Variants in RAD21L1 observed in about 807,000 individuals in gnomAD.
RAD21L1 encodes the protein RAD21 cohesin complex component like 1.
Under a neutral mutation model 69.0 loss-of-function variants are expected in RAD21L1, and 47 were observed. That is an observed-to-expected ratio of 0.68 (90% CI 0.54 to 0.87). The LOEUF (loss-of-function observed/expected upper bound fraction) is 0.87. RAD21L1 is among the 40% of genes least tolerant of loss of function. The pLI, the probability that RAD21L1 is intolerant of heterozygous loss-of-function variation, is 0.00. For missense variants in RAD21L1, 583 were observed against 647.6 expected, an observed-to-expected ratio of 0.90 and a Z score of 1.08; for synonymous variants, 177 against 205.8, an observed-to-expected ratio of 0.86 and a Z score of 1.20.
chr20:1,250,131 T>TTC, intron 13 of RAD21L1, among the ~76,000 whole-genome samples: 1 of 151,960 alleles, frequency 6.6e-6, no homozygotes, highest in Admixed American at 6.6e-5. Context: ...TTGCCATAGG[T>TTC]TGCTGAGAAT....
intron 11 of RAD21L1, among the ~76,000 whole-genome samples, chr20:1,245,054 A>C (rs1358583739): frequency 6.6e-6 from 1 of 152,212 alleles, no homozygotes; most frequent in East Asian, 1.9e-4. Flanking sequence ...AAACCTGTTT[A>C]GTTTATGATT....
chr20:1,231,749 ATT>A, intron 4 of RAD21L1, 130 bp downstream of exon 4: 1 of 585,720 alleles, frequency 1.7e-6, no homozygotes, highest in Non-Finnish European at 3.0e-6. Context: ...AAAGACTTAT[ATT>A]TGGTATAAAC....
chr20:1,239,535 CTGA>C, intron 7 of RAD21L1, 128 bp downstream of exon 7: 1 of 598,634 alleles, frequency 1.7e-6, no homozygotes, highest in Non-Finnish European at 2.9e-6. Flanking sequence ...CTCTGTTAGT[CTGA>C]CTGTAGACAA....
intron 3 of RAD21L1, 135 bp downstream of exon 3, chr20:1,230,144 T>G (rs1468808752): frequency 3.2e-6 from 2 of 626,182 alleles, no homozygotes; most frequent in African/African-American, 3.6e-5. Flanking sequence ...TTTCCATGGT[T>G]GAGGATAAAT....
intron 11 of RAD21L1, among the ~76,000 whole-genome samples, chr20:1,244,971 G>T (rs1193064074): frequency 6.6e-6 from 1 of 152,130 alleles, no homozygotes; most frequent in Non-Finnish European, 1.5e-5. Context: ...ACACTGGGTT[G>T]CTAGTACTAC....
At chr20:1,226,690 GGCTT>G (rs2087270155) in intron 1 of RAD21L1, among the ~76,000 whole-genome samples, 1 of 152,104 alleles carries the variant, frequency 6.6e-6, no homozygotes, top group African/African-American at 2.4e-5. Context: ...CCATCCCGGT[GGCTT>G]CACGTTGCAC....
Position 1,255,646 on chromosome 20 carries a change from A to G in RAD21L1, c.*1189A>G, listed in dbSNP as rs769319608. 1.3e-5 allele frequency among the ~76,000 whole-genome samples: 2 copies of G among 152,236 alleles called. No individual in the cohort carries two copies. Among genetic ancestry groups the G allele is most frequent in the Non-Finnish European group, 1.5e-5 (1 of 68,030 alleles). ...GGTGCACAGTTCTGTGAATTTTAAC[A>G]TATTTGTAGAGTCCTGTAACCATCT... On this transcript the variant is annotated 3_prime_UTR_variant, in exon 14 of 14. Coordinates refer to ENST00000683101, the MANE Select transcript of RAD21L1 (RefSeq NM_001384355.1).
rs906269088 is a variant in RAD21L1, at chr20:1,239,402, T to G, written c.737T>G (p.Leu246Ter). 4 of 1,535,138 alleles carry G rather than the reference T, an allele frequency of 2.6e-6. No individual in the cohort carries two copies. In the African/African-American group the frequency reaches 5.5e-5, roughly 21 times the overall value. The change falls in exon 7 of 14, where the codon TTA (leucine) becomes TGA (stop). Residue 246 changes from leucine to a stop codon, truncating the protein, a stop_gained. Transcript: ENST00000683101. LOFTEE classifies it high-confidence loss of function. ...CTGCCTTCTGAGCCTCCCAATAGTT[T>G]AGCAGGTAGGTTGAAATTTTCCTTT... is the stretch of plus-strand genomic sequence containing the variant. ...ISLPSEPPNS[L>*]AVEPDNSECI...
chr20:1,239,367 A>G lies in RAD21L1; in HGVS notation c.702A>G (p.Arg234=). 1 of 1,550,728 alleles carries G rather than the reference A, an allele frequency of 6.4e-7. No homozygotes were observed. Among genetic ancestry groups the G allele is most frequent in the Non-Finnish European group, 8.7e-7 (1 of 1,146,072 alleles). ...NILLEDMHLN[R]EISLPSEPPN... is the part of the protein sequence containing the mutation. ...TGTTAGAAGACATGCATTTGAACAG[A>G]GAAATTTCCCTGCCTTCTGAGCCTC... The change falls in exon 7 of 14, where the codon AGA becomes AGG. Residue 234 remains arginine (R), a synonymous_variant. Coordinates refer to ENST00000683101, the MANE Select transcript of RAD21L1 (RefSeq NM_001384355.1).
Position 1,254,668 on chromosome 20 carries a change from T to G in RAD21L1, c.*211T>G, listed in dbSNP as rs1357974949. ...TACTTTAAATTCTGTTTTGTTTTTT[T>G]TTGTTGTTTTTTTAAGGACAAAGGT... On this transcript the variant is annotated 3_prime_UTR_variant, in exon 14 of 14. Coordinates refer to ENST00000683101, the MANE Select transcript of RAD21L1 (RefSeq NM_001384355.1). Among the ~76,000 whole-genome samples, 9 of 151,816 alleles carry G rather than the reference T, an allele frequency of 5.9e-5. No individual in the cohort carries two copies. Among genetic ancestry groups the G allele is most frequent in the South Asian group, 2.1e-4 (1 of 4,814 alleles).
intron 5 of RAD21L1, among the ~76,000 whole-genome samples, chr20:1,237,685 G>T (rs1157712776): frequency 1.3e-5 from 2 of 151,888 alleles, no homozygotes; most frequent in Non-Finnish European, 2.9e-5. Flanking sequence ...ACAAGCAATT[G>T]TCCTTGAAAT....
At chr20:1,238,502 A>G (rs888640909) in intron 6 of RAD21L1, among the ~76,000 whole-genome samples, 7 of 152,070 alleles carry the variant, frequency 4.6e-5, no homozygotes, top group Non-Finnish European at 7.4e-5. Flanking sequence ...TGAGGTTAGT[A>G]TATTCCTTAT....
Position 1,246,996 on chromosome 20 carries a change from G to C in RAD21L1, c.1401+691G>C, listed in dbSNP as rs139925763. 7.9e-5 allele frequency among the ~76,000 whole-genome samples: 12 copies of C among 152,226 alleles called. No individual in the cohort carries two copies. Among genetic ancestry groups the C allele is most frequent in the African/African-American group, 2.9e-4 (12 of 41,542 alleles). ...GCTTCTATAAAATTATCTATATATT[G>C]AGTTCCAAGACTCTTTGATTGTTTT... On this transcript the variant is annotated intron_variant, in intron 12 of 13. Transcript: ENST00000683101. This position sits in a 1 kb window ranked among gnomAD's most constrained non-coding sequence, Gnocchi z 4.6.
intron 1 of RAD21L1, among the ~76,000 whole-genome samples, chr20:1,227,718 C>T (rs1600212526): frequency 6.6e-6 from 1 of 152,162 alleles, no homozygotes; most frequent in South Asian, 2.1e-4. Flanking sequence ...TTAATTCCTT[C>T]TCTTTGTTTT....
intron 10 of RAD21L1, 91 bp from the exon 11 acceptor site, chr20:1,243,955 C>A: frequency 8.9e-7 from 1 of 1,125,150 alleles, no homozygotes; most frequent in Non-Finnish European, 1.3e-6. Flanking sequence ...CCCAACATGT[C>A]TGTCAGAAGT....
In RAD21L1 at chr20:1,246,397, G is replaced by A. The variant is rs6074338; in HGVS notation, c.1401+92G>A. On this transcript the variant is annotated intron_variant, in intron 12 of 13. Transcript: ENST00000683101. This position sits in a 1 kb window ranked among gnomAD's most constrained non-coding sequence, Gnocchi z 4.6. ...TATCTAAAACTTGGCTTTTATAGCT[G>A]TCATGTTACTTTCTAAATTTATAAT... 0.043 allele frequency: 20,212 copies of A among 471,066 alleles called. 530 individuals carry two copies. Among genetic ancestry groups the A allele is most frequent in the Middle Eastern group, 0.055 (99 of 1,810 alleles). 29.2% of individuals were successfully genotyped at this position (471,066 alleles called of 1,614,324 possible).
intron 3 of RAD21L1, chr20:1,230,746 A>G: frequency 1.8e-6 from 1 of 559,932 alleles, no homozygotes; most frequent in Non-Finnish European, 2.3e-6. Context: ...AAATATTCAT[A>G]TAATCTCTAG....
rs1568513716 is a variant in RAD21L1, at chr20:1,228,491, C to CA, written c.39dup (p.Leu14IlefsTer21). On this transcript the variant is annotated frameshift_variant, in exon 2 of 14. Transcript: ENST00000683101. LOFTEE classifies it high-confidence loss of function. ...CATGTGCTTATGAGTAAACGAGGGC[C>CA]ATTGGCCAAAATATGGCTTGCAGCT... The CA allele has an allele frequency of 6.5e-7, 1 of 1,549,974 alleles. No individual in the cohort carries two copies. The highest frequency in any genetic ancestry group is 2.0e-5 in the Admixed American group (1 of 50,628).
chr20:1,237,963 G>A (rs1327128090), intron 5 of RAD21L1, 81 bp from the exon 6 acceptor site: 1 of 699,086 alleles, frequency 1.4e-6, no homozygotes, highest in African/African-American at 1.8e-5. Flanking sequence ...ACAAGATTAT[G>A]CTAGATGATA....
Sources: gnomAD v4.1 joint callset for allele counts (sites outside exome capture counted in the v4.1 genomes callset) on GRCh38, gnomAD v4.1.1 for gene constraint, Gnocchi (gnomAD v3.1) non-coding constraint, MANE v1.5 for transcripts, NCBI Gene and HGNC (gene_info 2026-07-23, HGNC 2026-07-21) for gene names.